KLHL1: variants seen among roughly 807,000 people sequenced by gnomAD.
The protein encoded by KLHL1 is kelch-like protein 1.
In KLHL1, 47 loss-of-function variants were observed where a neutral mutation model predicts 77.7. The observed-to-expected ratio is 0.60, with a 90% CI of 0.48 to 0.77. The LOEUF is 0.77. Among genes scored for constraint, KLHL1 ranks in the 30% least tolerant of loss-of-function variants. The probability of loss-of-function intolerance (pLI) is 0.00; values close to 1 mark genes in which losing one functional copy is unlikely to be tolerated. For missense variants in KLHL1, 925 were observed against 910.8 expected (o/e 1.02, Z -0.20); for synonymous variants, 360 against 325.2 (o/e 1.11, Z -1.15).
intron 4 of KLHL1, among the ~76,000 whole-genome samples, chr13:69,890,625 AT>A (rs1881389708): frequency 1.3e-5 from 2 of 150,638 alleles, no homozygotes; most frequent in Admixed American, 6.6e-5. Context: ...GCATATTAAT[AT>A]TTTTCTTCCA....
At chr13:69,979,169 A>G (rs1009065821) in intron 1 of KLHL1, among the ~76,000 whole-genome samples, 6 of 91,926 alleles carry the variant, frequency 6.5e-5, no homozygotes, top group African/African-American at 1.5e-4. Context: ...TAAGAGGCTC[A>G]AAAAAAAAAT....
At chr13:69,851,563 T>C (rs1485991011) in intron 5 of KLHL1, among the ~76,000 whole-genome samples, 4 of 152,010 alleles carry the variant, frequency 2.6e-5, no homozygotes, top group Non-Finnish European at 5.9e-5. Context: ...TATTGAGCTA[T>C]TAACATAGCA....
At chr13:69,959,555 A>AT (rs1301233564) in intron 3 of KLHL1, among the ~76,000 whole-genome samples, 3 of 120,950 alleles carry the variant, frequency 2.5e-5, no homozygotes, top group East Asian at 4.4e-4. Flanking sequence ...CAGACTACTC[A>AT]TTAAAAAAAA....
In KLHL1 at chr13:70,001,689, C is replaced by CTATCTATG. The variant is rs1252832749; in HGVS notation, c.498-25888_498-25887insCATAGATA. ...TCTATCTATCTATCTATCTATCTAT[C>CTATCTATG]TATCTATCATCTTTCTACTATCTTC... On this transcript the variant is annotated intron_variant, in intron 1 of 10. Coordinates refer to ENST00000377844, the MANE Select transcript of KLHL1 (RefSeq NM_020866.3). Among the ~76,000 whole-genome samples the CTATCTATG allele has an allele frequency of 1.3e-4, 20 of 150,770 alleles. No homozygotes were observed. The South Asian group carries it at 4.0e-3, about 30-fold the overall frequency.
intron 10 of KLHL1, 30 bp from the exon 11 acceptor site, chr13:69,701,791 A>T: frequency 2.0e-6 from 3 of 1,477,882 alleles, no homozygotes; most frequent in Non-Finnish European, 2.8e-6. Flanking sequence ...ACAACTTAAG[A>T]CAAGTTTTCA....
chr13:69,700,638 C>T lies in KLHL1; in HGVS notation c.*1064G>A, dbSNP rs1381448904. Reference sequence around the variant, plus strand: ...ATTTATTAATTGTAATTAAAATTTACATGGGCCTATTTATTAAGGACATTG... The same window carrying T: ...ATTTATTAATTGTAATTAAAATTTATATGGGCCTATTTATTAAGGACATTG... On this transcript the variant is annotated 3_prime_UTR_variant, in exon 11 of 11. Coordinates refer to ENST00000377844, the MANE Select transcript of KLHL1 (RefSeq NM_020866.3). 2.6e-5 allele frequency: 4 copies of T among 152,312 alleles called. No homozygotes were observed. Among genetic ancestry groups the T allele is most frequent in the African/African-American group, 7.3e-5 (3 of 41,364 alleles). 9.4% of individuals were successfully genotyped at this position (152,312 alleles called of 1,614,324 possible).
At chr13:70,044,395 C>T (rs534661499) in intron 1 of KLHL1, among the ~76,000 whole-genome samples, 94 of 152,198 alleles carry the variant, frequency 6.2e-4, no homozygotes, top group African/African-American at 2.0e-3. Context: ...TTCTTATCAC[C>T]GTACATTGTT....
At chr13:69,913,804 T>C (rs1208497337) in intron 4 of KLHL1, among the ~76,000 whole-genome samples, 1 of 151,968 alleles carries the variant, frequency 6.6e-6, no homozygotes, top group East Asian at 1.9e-4. Flanking sequence ...TATTCCAGAG[T>C]GTAATGGTTA....
chr13:70,070,312 C>T (rs2137416898), intron 1 of KLHL1, among the ~76,000 whole-genome samples: 1 of 151,886 alleles, frequency 6.6e-6, no homozygotes, highest in African/African-American at 2.4e-5. Context: ...CATAATAAAA[C>T]TTCAGAAAAT....
At chr13:69,889,340 A>T (rs554764298) in intron 4 of KLHL1, among the ~76,000 whole-genome samples, 1 of 152,202 alleles carries the variant, frequency 6.6e-6, no homozygotes, top group African/African-American at 2.4e-5. Flanking sequence ...TTATGAGATT[A>T]TCACAACTTG....
intron 3 of KLHL1, among the ~76,000 whole-genome samples, chr13:69,949,390 G>A (rs1883633128): frequency 6.6e-6 from 1 of 151,470 alleles, no homozygotes; most frequent in Admixed American, 6.6e-5. Context: ...TTCTTCGATT[G>A]ATATTTTGCT....
intron 1 of KLHL1, among the ~76,000 whole-genome samples, chr13:70,101,986 G>A (rs1399719432): frequency 6.7e-6 from 1 of 150,336 alleles, no homozygotes; most frequent in Non-Finnish European, 1.5e-5. Flanking sequence ...GAGTAAGTTT[G>A]TTCCATTATA....
At chr13:69,841,586 G>C (rs1378575179) in intron 5 of KLHL1, among the ~76,000 whole-genome samples, 1 of 151,760 alleles carries the variant, frequency 6.6e-6, no homozygotes, top group South Asian at 2.1e-4. Context: ...AAAATCCCAT[G>C]CTCACAGATC....
At chr13:69,734,911 A>G (rs1410852554) in intron 8 of KLHL1, among the ~76,000 whole-genome samples, 1 of 152,122 alleles carries the variant, frequency 6.6e-6, no homozygotes, top group East Asian at 1.9e-4. Context: ...AAATTGTAGA[A>G]AGCTTCTTCA....
intron 1 of KLHL1, among the ~76,000 whole-genome samples, chr13:70,071,738 A>G (rs1349811410): frequency 6.6e-6 from 1 of 152,138 alleles, no homozygotes; most frequent in African/African-American, 2.4e-5. Flanking sequence ...CATATAGATC[A>G]ATAAGAAATT....
intron 3 of KLHL1, among the ~76,000 whole-genome samples, chr13:69,951,448 T>C (rs1295756041): frequency 6.6e-6 from 1 of 151,582 alleles, no homozygotes; most frequent in Non-Finnish European, 1.5e-5. Context: ...AACCAGGTTA[T>C]ACTGAAGTTA....
chr13:70,058,343 CA>C (rs368173809), intron 1 of KLHL1, among the ~76,000 whole-genome samples: 7 of 151,326 alleles, frequency 4.6e-5, no homozygotes, highest in Middle Eastern at 3.4e-3. Flanking sequence ...AAGCCTCCAC[CA>C]AAAAAAAGCT....
At chr13:70,025,819 C>T (rs1441547) in intron 1 of KLHL1, among the ~76,000 whole-genome samples, 126,042 of 151,966 alleles carry the variant, frequency 0.83, 53,107 homozygotes, top group East Asian at 0.92. Flanking sequence ...GCCCTACATA[C>T]GTAAACCACC....
At position 70,101,619 on chromosome 13, in the gene KLHL1, G is replaced by A. The variant is rs1474064803; in HGVS notation, c.497+5584C>T. 2.0e-5 allele frequency among the ~76,000 whole-genome samples: 3 copies of A among 151,956 alleles called. No individual in the cohort carries two copies. In the East Asian group the frequency reaches 5.8e-4, roughly 30 times the overall value. Reference sequence around the variant, plus strand: ...AATTTTTGTATTTTTAGTAGAGATGGGGTTTCACCATGTTGGCCAGGCTGG... The same window carrying A: ...AATTTTTGTATTTTTAGTAGAGATGAGGTTTCACCATGTTGGCCAGGCTGG... On this transcript the variant is annotated intron_variant, in intron 1 of 10. Coordinates refer to ENST00000377844, the MANE Select transcript of KLHL1 (RefSeq NM_020866.3).
Sources: allele counts gnomAD v4.1 joint callset (sites outside exome capture counted in the v4.1 genomes callset), GRCh38; gene constraint gnomAD v4.1.1; transcripts MANE v1.5; gene names NCBI Gene and HGNC (gene_info 2026-07-23, HGNC 2026-07-21).